Variants in SYCP3 observed in about 807,000 individuals in gnomAD.
SYCP3 encodes synaptonemal complex protein 3.
In SYCP3, 29 loss-of-function variants were observed where a neutral mutation model predicts 38.5. The ratio of observed to expected loss-of-function variants is 0.75; its 90% CI spans 0.56 to 1.03. The LOEUF is 1.03. SYCP3 is among the 50% of genes least tolerant of loss of function. The pLI is 0.00. For synonymous variants in SYCP3, 79 were observed against 80.3 expected (o/e 0.98, Z 0.08); for missense variants, 242 against 270.7 (o/e 0.89, Z 0.74).
chr12:101,733,429 CTG>C, intron 6 of SYCP3, 144 bp downstream of exon 6: 1 of 697,672 alleles, frequency 1.4e-6, no homozygotes, highest in South Asian at 1.7e-5. Context: ...GCCTATACGT[CTG>C]TGGTTTACAG....
chr12:101,736,125 G>C (rs1952432602), intron 4 of SYCP3, among the ~76,000 whole-genome samples: 1 of 151,682 alleles, frequency 6.6e-6, no homozygotes, highest in Non-Finnish European at 1.5e-5. Context: ...TGAGAAATAG[G>C]TGAATAAGAT....
intron 4 of SYCP3, among the ~76,000 whole-genome samples, chr12:101,735,851 T>TTATATATATA (rs1157750107): frequency 2.6e-4 from 25 of 96,040 alleles, no homozygotes; most frequent in South Asian, 1.0e-3. Flanking sequence ...ATAATCAATT[T>TTATATATATA]TATATATATA....
chr12:101,739,221 C>T (rs1952613123), intron 1 of SYCP3, 130 bp downstream of exon 1: 1 of 987,058 alleles, frequency 1.0e-6, no homozygotes, highest in East Asian at 1.1e-4. Context: ...AGGCCCTGTC[C>T]TCAGGTTCGC....
intron 4 of SYCP3, among the ~76,000 whole-genome samples, chr12:101,736,635 T>C (rs1272171703): frequency 6.6e-6 from 1 of 151,700 alleles, no homozygotes; most frequent in Non-Finnish European, 1.5e-5. Flanking sequence ...CTAAAGAAAA[T>C]AGCATAGGAA....
At chr12:101,731,744 T>A in intron 6 of SYCP3, 78 bp from the exon 7 acceptor site, 1 of 1,034,086 alleles carries the variant, frequency 9.7e-7, no homozygotes, top group Non-Finnish European at 1.4e-6. Context: ...AATTCTACAT[T>A]AAACTTAAAA....
In SYCP3 at chr12:101,735,869, A is replaced by AT. The variant is rs1333301972; in HGVS notation, c.236-826dup. On this transcript the variant is annotated intron_variant, in intron 4 of 8. Transcript: ENST00000392924. ...ATCAATTTTATATATATATATATAT[A>AT]TATTTTTTTTTTTTTAAAGACACGG... 3.0e-3 allele frequency among the ~76,000 whole-genome samples: 178 copies of AT among 60,096 alleles called. 5 individuals carry two copies. The East Asian group carries it at 0.056, about 19-fold the overall frequency. 39.4% of individuals were successfully genotyped at this position (60,096 alleles called of 152,430 possible). A position where few individuals can be genotyped will look rare whatever the true frequency, so the allele number is the denominator to read the frequency against.
At chr12:101,734,481 AAAT>A (rs1340124411) in intron 5 of SYCP3, among the ~76,000 whole-genome samples, 1 of 152,224 alleles carries the variant, frequency 6.6e-6, no homozygotes, top group Non-Finnish European at 1.5e-5. Context: ...ATTTTTTAGG[AAAT>A]AATGTCAATT....
intron 7 of SYCP3, among the ~76,000 whole-genome samples, chr12:101,729,959 GAGAA>G (rs1484132309): frequency 6.6e-6 from 1 of 152,044 alleles, no homozygotes; most frequent in Non-Finnish European, 1.5e-5. Context: ...AGTGAGCTGA[GAGAA>G]AGCAGTTATG....
rs1475551935 is a variant in SYCP3, at chr12:101,737,968, T to G, written c.-17-16A>C. 6.2e-7 allele frequency: 1 copy of G among 1,612,474 alleles called. No individual in the cohort carries two copies. On this transcript the variant is annotated splice_polypyrimidine_tract_variant and intron_variant, in intron 1 of 8. Coordinates refer to ENST00000392924, the MANE Select transcript of SYCP3 (RefSeq NM_001177949.2). Reference sequence around the variant, plus strand: ...TGCTTCCTGACTTTAAAAAACAAATTTCTTTAACCTTCTGAATGCAAAGAC... The same window carrying G: ...TGCTTCCTGACTTTAAAAAACAAATGTCTTTAACCTTCTGAATGCAAAGAC...
rs769638988 is a variant in SYCP3, at chr12:101,737,224, C to T, written c.200+8G>A. On this transcript the variant is annotated splice_region_variant and intron_variant, in intron 3 of 8. Transcript: ENST00000392924. ...TCTAAGAAACAAAAATTATTTTGAA[C>T]ACGTTACCCCATATCTTCAACTACT... The T allele has an allele frequency of 1.2e-6, 2 of 1,612,326 alleles. No homozygotes were observed. The highest frequency in any genetic ancestry group is 2.7e-5 in the African/African-American group (2 of 74,596).
Position 101,728,716 on chromosome 12 carries a change from T to C in SYCP3, c.*211A>G. On this transcript the variant is annotated 3_prime_UTR_variant, in exon 9 of 9. Coordinates refer to ENST00000392924, the MANE Select transcript of SYCP3 (RefSeq NM_001177949.2). ...AAATTCACTATCATTACTAAAGAGC[T>C]GAAAGCTTAATACATATTCTTTAGG... is the stretch of plus-strand genomic sequence containing the variant. The C allele has an allele frequency of 1.6e-6, 1 of 618,294 alleles. No homozygotes were observed. The highest frequency in any genetic ancestry group is 2.7e-6 in the Non-Finnish European group (1 of 369,564). 38.3% of individuals were successfully genotyped at this position (618,294 alleles called of 1,614,324 possible). A position where few individuals can be genotyped will look rare whatever the true frequency, so the allele number is the denominator to read the frequency against.
intron 4 of SYCP3, among the ~76,000 whole-genome samples, chr12:101,736,148 C>G (rs1202514727): frequency 6.6e-6 from 1 of 151,610 alleles, no homozygotes; most frequent in African/African-American, 2.4e-5. Flanking sequence ...GTTTTAAATG[C>G]TTTTGTGGAG....
intron 1 of SYCP3, among the ~76,000 whole-genome samples, chr12:101,739,038 G>C (rs374382155): frequency 6.6e-6 from 1 of 152,206 alleles, no homozygotes; most frequent in Non-Finnish European, 1.5e-5. Context: ...CAAATACATC[G>C]AGGAACCACG....
At chr12:101,739,022 C>G (rs1952598164) in intron 1 of SYCP3, among the ~76,000 whole-genome samples, 1 of 152,216 alleles carries the variant, frequency 6.6e-6, no homozygotes, top group Non-Finnish European at 1.5e-5. Context: ...CAGAAGATTT[C>G]GACAACAAAT....
chr12:101,735,033 T>C lies in SYCP3; in HGVS notation c.247A>G (p.Lys83Glu). 3 of 1,602,258 alleles carry C rather than the reference T, an allele frequency of 1.9e-6. No homozygotes were observed. In the South Asian group the frequency reaches 3.3e-5, roughly 18 times the overall value. ...MLEGVGVDIN[K>E]ALLAKRKRLE... ...CTCTTTCTCTTGGCAAGAAGAGCCT[T>C]GTTAATGTCAACTAGATTGAAAATA... Residue 83 changes from lysine (K) to glutamate (E), a missense_variant, in exon 5 of 9, where the codon AAG becomes GAG. Transcript: ENST00000392924.
chr12:101,737,746 T>C (rs1952512755), intron 2 of SYCP3, 57 bp downstream of exon 2: 2 of 1,612,130 alleles, frequency 1.2e-6, no homozygotes, highest in Non-Finnish European at 1.7e-6. Flanking sequence ...ATAGTCTCAA[T>C]GGGTTCAAAA....
intron 1 of SYCP3, 62 bp from the exon 2 acceptor site, chr12:101,738,014 A>G: frequency 6.3e-7 from 1 of 1,575,280 alleles, no homozygotes; most frequent in Admixed American, 1.7e-5. Flanking sequence ...TACACTGGTA[A>G]AAGTTTAAAT....
At chr12:101,738,061 A>G (rs1331826155) in intron 1 of SYCP3, 109 bp from the exon 2 acceptor site, 1 of 1,276,632 alleles carries the variant, frequency 7.8e-7, no homozygotes, top group African/African-American at 1.5e-5. Flanking sequence ...GTTGAATACA[A>G]TTTTAACAGT....
intron 4 of SYCP3, among the ~76,000 whole-genome samples, chr12:101,735,871 A>ATATATATTTTTTTTTTTTTTT: frequency 6.7e-5 from 5 of 74,788 alleles, no homozygotes; most frequent in African/African-American, 1.3e-4. Flanking sequence ...ATATATATAT[A>ATATATATTTTTTTTTTTTTTT]TTTTTTTTTT....
Sources: gnomAD v4.1 joint callset for allele counts (sites outside exome capture counted in the v4.1 genomes callset) on GRCh38, gnomAD v4.1.1 for gene constraint, MANE v1.5 for transcripts, NCBI Gene and HGNC (gene_info 2026-07-23, HGNC 2026-07-21) for gene names.